CRBN: variants seen among roughly 807,000 people sequenced by gnomAD.
CRBN encodes the protein cereblon.
CRBN carries 53 observed loss-of-function variants against 62.2 expected under a neutral mutation model. The ratio of observed to expected loss-of-function variants is 0.85; its 90% CI spans 0.68 to 1.07. The LOEUF (loss-of-function observed/expected upper bound fraction) is 1.07, where lower values mean the gene tolerates loss of function less well. CRBN is among the 50% of genes least tolerant of loss of function. The pLI is 0.00. For synonymous variants in CRBN, 208 were observed against 176.1 expected (o/e 1.18, Z -1.43); for missense variants, 616 against 531.1 (o/e 1.16, Z -1.57).
chr3:3,179,674 C>A lies in CRBN; in HGVS notation c.14G>T (p.Gly5Val). ...GTTGTGCGCAGCGTCCTGCTGATCT[C>A]CTTCGCCGGCCATGTCTGTTTACCC... is the stretch of plus-strand genomic sequence containing the variant. MAGE[G>V]DQQDAAHNMG... Residue 5 changes from glycine (G) to valine (V), a missense_variant, in exon 1 of 11, where the codon GGA becomes GTA. Transcript: ENST00000231948. 3 of 1,612,950 alleles carry A rather than the reference C, an allele frequency of 1.9e-6. No homozygotes were observed. Among genetic ancestry groups the A allele is most frequent in the Non-Finnish European group, 2.5e-6 (3 of 1,179,564 alleles).
At chr3:3,175,641 T>TTC (rs1220677640) in intron 1 of CRBN, among the ~76,000 whole-genome samples, 1 of 152,204 alleles carries the variant, frequency 6.6e-6, no homozygotes, top group African/African-American at 2.4e-5. Flanking sequence ...TTTAAATGGA[T>TTC]TCCCTTAGTT....
chr3:3,172,750 G>T, intron 4 of CRBN, 26 bp downstream of exon 4: 3 of 1,602,894 alleles, frequency 1.9e-6, no homozygotes, highest in Non-Finnish European at 2.6e-6. Context: ...CATTCAAAGA[G>T]CATTAAGGTA....
intron 1 of CRBN, among the ~76,000 whole-genome samples, chr3:3,178,915 C>G (rs931766977): frequency 6.6e-6 from 1 of 151,492 alleles, no homozygotes; most frequent in Non-Finnish European, 1.5e-5. Flanking sequence ...TATTTCAACA[C>G]AAGGCCAAAG....
At chr3:3,154,130 A>AACTT in intron 7 of CRBN, 55 bp from the exon 8 acceptor site, 1 of 1,028,596 alleles carries the variant, frequency 9.7e-7, no homozygotes. Flanking sequence ...AGCATCAGAG[A>AACTT]ACTTACAAAT....
chr3:3,176,882 T>C (rs772958364), intron 1 of CRBN, among the ~76,000 whole-genome samples: 2 of 152,244 alleles, frequency 1.3e-5, no homozygotes, highest in Non-Finnish European at 2.9e-5. Flanking sequence ...CAAAGAAAAT[T>C]AGAAAACGCT....
intron 6 of CRBN, 114 bp downstream of exon 6, chr3:3,156,105 T>C: frequency 1.1e-6 from 1 of 895,248 alleles, no homozygotes; most frequent in Non-Finnish European, 1.8e-6. Flanking sequence ...CTCTTAACGA[T>C]ATCTTAAGTT....
At chr3:3,165,747 C>A (rs1255229731) in intron 5 of CRBN, among the ~76,000 whole-genome samples, 2 of 151,956 alleles carry the variant, frequency 1.3e-5, no homozygotes, top group African/African-American at 2.4e-5. Flanking sequence ...GAAACTGAAC[C>A]TGCAATATCT....
intron 4 of CRBN, among the ~76,000 whole-genome samples, chr3:3,170,154 T>C (rs1707543833): frequency 6.6e-6 from 1 of 152,110 alleles, no homozygotes. Context: ...TAATTTCTTG[T>C]ATTTTTAGTA....
chr3:3,177,270 T>C (rs1338147031), intron 1 of CRBN, among the ~76,000 whole-genome samples: 1 of 152,250 alleles, frequency 6.6e-6, no homozygotes, highest in African/African-American at 2.4e-5. Context: ...GAAATAATCA[T>C]TTGTTTTCCT....
rs115067073 is a variant in CRBN at position 3,178,720 on chromosome 3, C to A, written c.67+901G>T. Among the ~76,000 whole-genome samples, 278 of 152,300 alleles carry A rather than the reference C, an allele frequency of 1.8e-3. 2 individuals are homozygous for A. Among genetic ancestry groups the A allele is most frequent in the African/African-American group, 6.3e-3 (261 of 41,572 alleles). On this transcript the variant is annotated intron_variant, in intron 1 of 10. Transcript: ENST00000231948. ...TCAGCAGCCCCGCCTAGACAGTAAA[C>A]CTCAATTATCAGATTGTGTATTACC...
At chr3:3,170,199 T>C (rs574373431) in intron 4 of CRBN, among the ~76,000 whole-genome samples, 4 of 152,306 alleles carry the variant, frequency 2.6e-5, no homozygotes, top group African/African-American at 9.6e-5. Context: ...CAAGCTGGTC[T>C]TGAACTGCTG....
intron 1 of CRBN, among the ~76,000 whole-genome samples, chr3:3,177,437 G>A (rs1259950584): frequency 6.6e-6 from 1 of 152,168 alleles, no homozygotes; most frequent in Non-Finnish European, 1.5e-5. Flanking sequence ...CAACTTATAT[G>A]TAAATAGCCA....
At chr3:3,152,858 T>C (rs995699702) in intron 9 of CRBN, 1 of 475,756 alleles carries the variant, frequency 2.1e-6, no homozygotes, top group Non-Finnish European at 3.8e-6. Context: ...AGACAGACAT[T>C]GTAAAGAATA....
At chr3:3,178,017 C>CA (rs3840223) in intron 1 of CRBN, among the ~76,000 whole-genome samples, 17,368 of 133,424 alleles carry the variant, frequency 0.13, 1,091 homozygotes, top group South Asian at 0.28. Flanking sequence ...ACAAAACAAA[C>CA]AAAAAAAAAA....
chr3:3,161,838 G>T (rs1474189743), intron 5 of CRBN, among the ~76,000 whole-genome samples: 1 of 152,170 alleles, frequency 6.6e-6, no homozygotes, highest in Non-Finnish European at 1.5e-5. Context: ...TATGGGACTG[G>T]TTATACAGTG....
In CRBN at chr3:3,157,799, A is replaced by G. The variant is rs1575085666; in HGVS notation, c.688-1518T>C. On this transcript the variant is annotated intron_variant, in intron 5 of 10. Transcript: ENST00000231948. ...CAAAAGTAACTGCGGTTTTAACAGA[A>G]GACTAGAATCTATGAGACAATGTTA... 2.6e-5 allele frequency among the ~76,000 whole-genome samples: 4 copies of G among 152,346 alleles called. No individual in the cohort carries two copies. In the South Asian group the frequency reaches 6.2e-4, roughly 24 times the overall value.
chr3:3,172,744 CA>C (rs1333480341), intron 4 of CRBN, 31 bp downstream of exon 4: 2 of 1,601,266 alleles, frequency 1.2e-6, no homozygotes, highest in African/African-American at 2.7e-5. Context: ...AGGAAACATT[CA>C]AAGAGCATTA....
chr3:3,173,571 G>A lies in CRBN; in HGVS notation c.377+488C>T, dbSNP rs79871349. Among the ~76,000 whole-genome samples, 133 of 152,236 alleles carry A rather than the reference G, an allele frequency of 8.7e-4. 5 individuals carry two copies. The East Asian group carries it at 0.024, about 27-fold the overall frequency. ...CTGGCAGCACTGTACTGGGGTGGGAGCTTCCTGTATGTATTTCCTGCCTCT... is the reference window on the plus strand; with the variant it reads ...CTGGCAGCACTGTACTGGGGTGGGAACTTCCTGTATGTATTTCCTGCCTCT... On this transcript the variant is annotated intron_variant, in intron 3 of 10. Transcript: ENST00000231948.
intron 5 of CRBN, among the ~76,000 whole-genome samples, chr3:3,157,039 G>C (rs992633905): frequency 2.6e-5 from 4 of 152,188 alleles, no homozygotes; most frequent in African/African-American, 9.7e-5. Context: ...TACATATTCA[G>C]TGCAATACCA....
Sources: allele counts gnomAD v4.1 joint callset (sites outside exome capture counted in the v4.1 genomes callset), GRCh38; gene constraint gnomAD v4.1.1; transcripts MANE v1.5; gene names NCBI Gene and HGNC (gene_info 2026-07-23, HGNC 2026-07-21).